The following RAD54L2 variants were observed in gnomAD, a reference collection of about 807,000 sequenced individuals.
RAD54L2 encodes helicase ARIP4.
RAD54L2 carries 27 observed loss-of-function variants against 138.4 expected under a neutral mutation model. The observed-to-expected ratio is 0.20, with a 90% CI of 0.14 to 0.27. The LOEUF (loss-of-function observed/expected upper bound fraction) is 0.27. Among genes scored for constraint, RAD54L2 ranks in the 10% least tolerant of loss-of-function variants. RAD54L2 has a pLI of 1.00. For synonymous variants in RAD54L2, 644 were observed against 723.2 expected, an observed-to-expected ratio of 0.89 and a Z score of 1.76; for missense variants, 1,396 against 1,890.2, an observed-to-expected ratio of 0.74 and a Z score of 4.85.
intron 3 of RAD54L2, among the ~76,000 whole-genome samples, chr3:51,607,315 G>A (rs954575835): frequency 1.3e-4 from 19 of 151,702 alleles, no homozygotes; most frequent in Admixed American, 5.9e-4. Context: ...GACTCTTAAC[G>A]AGTATGCTGC....
intron 7 of RAD54L2, among the ~76,000 whole-genome samples, chr3:51,632,987 A>AG (rs370599629): frequency 5.9e-5 from 9 of 151,818 alleles, no homozygotes; most frequent in African/African-American, 1.5e-4. Context: ...TGAGAGACCG[A>AG]GGGGGGCAGG....
At chr3:51,584,664 A>AAT (rs1252056148) in intron 2 of RAD54L2, among the ~76,000 whole-genome samples, 1 of 148,472 alleles carries the variant, frequency 6.7e-6, no homozygotes, top group Admixed American at 6.8e-5. Context: ...TATATACTAT[A>AAT]ATATATATAC....
chr3:51,551,601 AT>A (rs1253077183), intron 2 of RAD54L2, among the ~76,000 whole-genome samples: 1 of 150,350 alleles, frequency 6.7e-6, no homozygotes, highest in African/African-American at 2.5e-5. Flanking sequence ...CGCCTGGCTA[AT>A]TTTTGTATTT....
At chr3:51,572,912 AC>A (rs1248333307) in intron 2 of RAD54L2, among the ~76,000 whole-genome samples, 1 of 152,046 alleles carries the variant, frequency 6.6e-6, no homozygotes, top group Non-Finnish European at 1.5e-5. Flanking sequence ...TGCTGGAATT[AC>A]AGGTATGAGC....
intron 3 of RAD54L2, among the ~76,000 whole-genome samples, chr3:51,598,971 C>G (rs1014807933): frequency 6.6e-6 from 1 of 152,054 alleles, no homozygotes; most frequent in Non-Finnish European, 1.5e-5. Context: ...TTAATTGAAC[C>G]CAAAGAGGGC....
At chr3:51,542,609 G>A (rs1019063617) in intron 2 of RAD54L2, among the ~76,000 whole-genome samples, 2 of 151,946 alleles carry the variant, frequency 1.3e-5, no homozygotes, top group Admixed American at 1.3e-4. Flanking sequence ...GACTACAGGC[G>A]CCTGCCACCA....
chr3:51,601,632 C>T (rs1270974525), intron 3 of RAD54L2, among the ~76,000 whole-genome samples: 2 of 150,692 alleles, frequency 1.3e-5, no homozygotes, highest in African/African-American at 4.9e-5. Flanking sequence ...TTAGTAGAGA[C>T]GGGGTTTCAC....
Position 51,637,625 on chromosome 3 carries a change from T to A in RAD54L2, c.1682+122T>A. On this transcript the variant is annotated intron_variant, in intron 11 of 22. Transcript: ENST00000684192. This position sits in a 1 kb window ranked among gnomAD's most constrained non-coding sequence, Gnocchi z 5.9. Reference sequence around the variant, plus strand: ...GAGGGCCCCTTCCCTGGGGCAGTAGTAAAACTTTGCTTCCTGTGACAAGCT... The same window carrying A: ...GAGGGCCCCTTCCCTGGGGCAGTAGAAAAACTTTGCTTCCTGTGACAAGCT... The A allele has an allele frequency of 1.0e-6, 1 of 972,674 alleles. No homozygotes were observed. The highest frequency in any genetic ancestry group is 1.5e-6 in the Non-Finnish European group (1 of 676,204). 60.3% of individuals were successfully genotyped at this position (972,674 alleles called of 1,614,324 possible).
At chr3:51,642,384 A>G (rs1049005598) in intron 15 of RAD54L2, among the ~76,000 whole-genome samples, 3 of 148,778 alleles carry the variant, frequency 2.0e-5, no homozygotes, top group Non-Finnish European at 4.4e-5. Flanking sequence ...TAAAATGTGT[A>G]AGTCAAGTAC....
chr3:51,614,434 G>A (rs988953549), intron 3 of RAD54L2, among the ~76,000 whole-genome samples: 9 of 151,930 alleles, frequency 5.9e-5, no homozygotes, highest in African/African-American at 2.2e-4. Flanking sequence ...AAAGCGCTGG[G>A]ATTACAAACA....
At chr3:51,600,113 A>C (rs2106733070) in intron 3 of RAD54L2, among the ~76,000 whole-genome samples, 1 of 151,726 alleles carries the variant, frequency 6.6e-6, no homozygotes. Flanking sequence ...TTGTATTTTT[A>C]GTATATTTTT....
chr3:51,586,585 T>C (rs1577404866), intron 2 of RAD54L2, among the ~76,000 whole-genome samples: 1 of 151,152 alleles, frequency 6.6e-6, no homozygotes, highest in Non-Finnish European at 1.5e-5. Flanking sequence ...TTTTTTTTTT[T>C]GAGATGGAGT....
chr3:51,657,644 C>A lies in RAD54L2; in HGVS notation c.3291C>A (p.Ser1097Arg). Reference protein sequence around the residue: ...DVQARINAGESIHIIRGTKGT... With the variant: ...DVQARINAGERIHIIRGTKGT... The stretch of plus-strand genomic sequence containing the variant: ...AGGCAAGAATTAATGCTGGTGAGAG[C>A]ATCCACATCATCCGTGGGACAAAAG... The change falls in exon 21 of 23, where the codon AGC becomes AGA. Residue 1097 changes from serine to arginine, a missense_variant. By Grantham distance (110) the Ser-to-Arg change is moderately radical. This residue lies in a region of RAD54L2 where 634 missense variants were observed against 711.2 expected (regional missense o/e 0.89). Transcript: ENST00000684192. The A allele has an allele frequency of 6.3e-7, 1 of 1,576,278 alleles. No individual in the cohort carries two copies. Among genetic ancestry groups the A allele is most frequent in the African/African-American group, 1.3e-5 (1 of 74,300 alleles).
At chr3:51,617,150 T>C (rs1205848103) in intron 3 of RAD54L2, among the ~76,000 whole-genome samples, 1 of 152,210 alleles carries the variant, frequency 6.6e-6, no homozygotes, top group Non-Finnish European at 1.5e-5. Context: ...TTGACTCTTA[T>C]GAATAAAGCT....
chr3:51,609,016 G>A (rs1461744904), intron 3 of RAD54L2, among the ~76,000 whole-genome samples: 1 of 152,078 alleles, frequency 6.6e-6, no homozygotes, highest in Non-Finnish European at 1.5e-5. Context: ...TCTCCCTCCT[G>A]AGTAGCTGGG....
At chr3:51,636,773 A>G (rs1700991104) in intron 10 of RAD54L2, among the ~76,000 whole-genome samples, 1 of 152,136 alleles carries the variant, frequency 6.6e-6, no homozygotes, top group South Asian at 2.1e-4. Flanking sequence ...CTCTACTAAA[A>G]ATACAAAAAA....
At chr3:51,564,124 G>A (rs1699160521) in intron 2 of RAD54L2, among the ~76,000 whole-genome samples, 1 of 152,220 alleles carries the variant, frequency 6.6e-6, no homozygotes, top group Non-Finnish European at 1.5e-5. Flanking sequence ...AGGGTTTGAG[G>A]CTGCTCCCAG....
At chr3:51,565,201 C>T (rs1035664540) in intron 2 of RAD54L2, among the ~76,000 whole-genome samples, 1 of 152,148 alleles carries the variant, frequency 6.6e-6, no homozygotes, top group African/African-American at 2.4e-5. Flanking sequence ...GCCTGGGCCA[C>T]ATAGACCCTG....
chr3:51,588,878 G>A (rs151067611), intron 2 of RAD54L2, among the ~76,000 whole-genome samples: 76 of 152,254 alleles, frequency 5.0e-4, no homozygotes, highest in African/African-American at 1.7e-3. Flanking sequence ...CTCCTCTGCC[G>A]TTGGTGCTCG....
Sources: allele counts gnomAD v4.1 joint callset (sites outside exome capture counted in the v4.1 genomes callset), GRCh38; gene constraint gnomAD v4.1.1; regional missense constraint gnomAD v4.1.1; non-coding constraint Gnocchi (gnomAD v3.1); transcripts MANE v1.5; gene names NCBI Gene and HGNC (gene_info 2026-07-23, HGNC 2026-07-21).